NOP9: variants seen among roughly 807,000 people sequenced by gnomAD.
NOP9 encodes nucleolar protein 9.
A neutral mutation model predicts 63.0 loss-of-function variants in NOP9; 50 were observed. The observed-to-expected ratio is 0.79, with a 90% CI of 0.63 to 1.00. NOP9 has a LOEUF of 1.00. Ranked by LOEUF, NOP9 falls within the 50% of genes least tolerant of loss-of-function variation. The pLI is 0.00. For synonymous variants in NOP9, 343 were observed against 332.8 expected (o/e 1.03, Z -0.33); for missense variants, 758 against 803.0 (o/e 0.94, Z 0.68).
chr14:24,302,478 C>CAAA, intron 5 of NOP9, 54 bp downstream of exon 5: 1 of 1,517,368 alleles, frequency 6.6e-7, no homozygotes, highest in Non-Finnish European at 9.0e-7. Flanking sequence ...ATCACTGGAC[C>CAAA]TTATTTTATG....
At chr14:24,280,289 A>C in the NOP9 span, among the ~76,000 whole-genome samples, 4 of 152,166 alleles carry the variant, frequency 2.6e-5, no homozygotes, top group Non-Finnish European at 5.9e-5. Flanking sequence ...TGAGCACCTG[A>C]TGGGGAGCTG....
At chr14:24,275,019 T>C in the NOP9 span, among the ~76,000 whole-genome samples, 1 of 151,254 alleles carries the variant, frequency 6.6e-6, no homozygotes, top group East Asian at 2.0e-4. Flanking sequence ...TTCAAGCGAT[T>C]CTCCTGCCTC....
At position 24,301,723 on chromosome 14, in the gene NOP9, G is replaced by C. The variant is rs776927069; in HGVS notation, c.808+1G>C. 3 of 1,614,014 alleles carry C rather than the reference G, an allele frequency of 1.9e-6. No homozygotes were observed. The highest frequency in any genetic ancestry group is 2.5e-6 in the Non-Finnish European group (3 of 1,179,882). On this transcript the variant is annotated splice_donor_variant, in intron 3 of 9. Coordinates refer to ENST00000267425, the MANE Select transcript of NOP9 (RefSeq NM_174913.3). LOFTEE classifies it high-confidence loss of function. ...TCCTCCTTTCTGAAGGACATTGCAG[G>C]TAAGGAGGGAAGTAGGAGGATGGTC...
At chr14:24,285,093 TG>T in the NOP9 span, among the ~76,000 whole-genome samples, 5 of 152,170 alleles carry the variant, frequency 3.3e-5, no homozygotes, top group East Asian at 7.7e-4. Context: ...CTCACATTAG[TG>T]GGGACACCTG....
At position 24,303,217 on chromosome 14, in the gene NOP9, G is replaced by A; in HGVS notation, c.1284+3G>A. 1 of 1,614,036 alleles carries A rather than the reference G, an allele frequency of 6.2e-7. No individual in the cohort carries two copies. Reference sequence around the variant, plus strand: ...AGGTCCTACAGCTCTTGTTGGAGGTGAGTGGATATTACCCACAATCTGTTT... The same window carrying A: ...AGGTCCTACAGCTCTTGTTGGAGGTAAGTGGATATTACCCACAATCTGTTT... On this transcript the variant is annotated splice_donor_region_variant and intron_variant, in intron 6 of 9. Coordinates refer to ENST00000267425, the MANE Select transcript of NOP9 (RefSeq NM_174913.3).
chr14:24,281,483 GA>G, the NOP9 span, among the ~76,000 whole-genome samples: 1 of 152,210 alleles, frequency 6.6e-6, no homozygotes, highest in Non-Finnish European at 1.5e-5. Context: ...GAGAATGGGG[GA>G]TGAAGGGTTC....
Position 24,307,474 on chromosome 14 carries a change from C to G in NOP9, c.*2379C>G. 6.2e-7 allele frequency: 1 copy of G among 1,614,130 alleles called. No homozygotes were observed. Among genetic ancestry groups the G allele is most frequent in the Non-Finnish European group, 8.5e-7 (1 of 1,180,016 alleles). On this transcript the variant is annotated 3_prime_UTR_variant, in exon 10 of 10. Transcript: ENST00000267425. ...TCGCTGGGGTGGTGGAGCTGAGGTC[C>G]AGACCCTCCGTCCAAACTCCGAGCT...
chr14:24,303,696 G>C, intron 6 of NOP9, 36 bp from the exon 7 acceptor site: 1 of 1,601,894 alleles, frequency 6.2e-7, no homozygotes. Context: ...GGACGGAGAA[G>C]TTCTCAGGTT....
chr14:24,283,878 C>G, the NOP9 span, among the ~76,000 whole-genome samples: 5 of 152,402 alleles, frequency 3.3e-5, 1 homozygote, highest in Middle Eastern at 6.8e-3. Flanking sequence ...CGTGCTCCTC[C>G]TTAGCCCCTG....
the NOP9 span, among the ~76,000 whole-genome samples, chr14:24,284,732 C>T: frequency 6.6e-6 from 1 of 152,124 alleles, no homozygotes; most frequent in African/African-American, 2.4e-5. Flanking sequence ...AGACAGATGC[C>T]TCAGAGACAG....
Position 24,304,574 on chromosome 14 carries a change from C to G in NOP9, c.1729C>G (p.Arg577Gly). Residue 577 changes from arginine to glycine, a missense_variant, in exon 9 of 10, where the codon CGG (arginine) becomes GGG (glycine). Coordinates refer to ENST00000267425, the MANE Select transcript of NOP9 (RefSeq NM_174913.3). The stretch of plus-strand genomic sequence containing the variant: ...CTGGAGTGGAGCAGCCTTGAGGGCC[C>G]GGAAGGAAATTGCTGCTGAGCTTGG... The part of the protein sequence containing the change: ...AIWSGAALRA[R>G]KEIAAELGEQ... 4 of 1,612,226 alleles carry G rather than the reference C, an allele frequency of 2.5e-6. No individual in the cohort carries two copies. The highest frequency in any genetic ancestry group is 3.4e-6 in the Non-Finnish European group (4 of 1,179,406).
the NOP9 span, chr14:24,292,426 G>C: frequency 6.4e-7 from 1 of 1,551,182 alleles, no homozygotes; most frequent in Non-Finnish European, 8.7e-7. Flanking sequence ...CACCCACCCT[G>C]TCCTTCCCAG....
At position 24,304,767 on chromosome 14, in the gene NOP9, G is replaced by T. The variant is rs1410535017; in HGVS notation, c.1753+169G>T. Among the ~76,000 whole-genome samples, 3 of 152,216 alleles carry T rather than the reference G, an allele frequency of 2.0e-5. No homozygotes were observed. In the East Asian group the frequency reaches 5.8e-4, roughly 29 times the overall value. On this transcript the variant is annotated intron_variant, in intron 9 of 9. Coordinates refer to ENST00000267425, the MANE Select transcript of NOP9 (RefSeq NM_174913.3). Reference sequence around the variant, plus strand: ...TCCCCTTCCCTCCCGCTGACTGATTGTGTAGTCCTCTGCCCTCACCCTGCC... The same window carrying T: ...TCCCCTTCCCTCCCGCTGACTGATTTTGTAGTCCTCTGCCCTCACCCTGCC...
chr14:24,291,987 T>C, the NOP9 span: 2 of 705,628 alleles, frequency 2.8e-6, no homozygotes, highest in South Asian at 1.9e-5. Context: ...TCTAAACCTC[T>C]CTGGGTTTCA....
At chr14:24,296,397 G>T, upstream of NOP9, 1 of 1,029,534 alleles carries the variant, frequency 9.7e-7, no homozygotes, top group Non-Finnish European at 1.5e-6. Flanking sequence ...GAAGGGAGAA[G>T]AAAGAGATGG....
At chr14:24,302,725 T>C (rs2041399651) in intron 5 of NOP9, among the ~76,000 whole-genome samples, 1 of 152,226 alleles carries the variant, frequency 6.6e-6, no homozygotes, top group African/African-American at 2.4e-5. Flanking sequence ...GTGCTAGAGC[T>C]GTTGCCATAG....
the NOP9 span, chr14:24,291,085 G>A: frequency 6.2e-7 from 1 of 1,612,930 alleles, no homozygotes; most frequent in Non-Finnish European, 8.5e-7. Flanking sequence ...GGAGGAGTGG[G>A]CAGGGAACAG....
At chr14:24,278,041 C>G in the NOP9 span, among the ~76,000 whole-genome samples, 1 of 152,174 alleles carries the variant, frequency 6.6e-6, no homozygotes, top group Non-Finnish European at 1.5e-5. Flanking sequence ...GTGCCCAATT[C>G]TTATCTCTTG....
the NOP9 span, chr14:24,271,455 C>T: frequency 4.4e-6 from 1 of 229,800 alleles, no homozygotes; most frequent in Non-Finnish European, 8.4e-6. Context: ...CCACGGCTCC[C>T]GGGCACCCCC....
Sources: allele counts gnomAD v4.1 joint callset (sites outside exome capture counted in the v4.1 genomes callset), GRCh38; gene constraint gnomAD v4.1.1; transcripts MANE v1.5; gene names NCBI Gene and HGNC (gene_info 2026-07-23, HGNC 2026-07-21).